The following EML4 variants were observed in gnomAD, a reference collection of about 807,000 sequenced individuals.
The protein encoded by EML4 is echinoderm microtubule-associated protein-like 4.
EML4 carries 72 observed loss-of-function variants against 129.0 expected under a neutral mutation model. The observed-to-expected ratio is 0.56, with a 90% CI of 0.46 to 0.68. EML4 has a LOEUF of 0.68. Among genes scored for constraint, EML4 ranks in the 30% least tolerant of loss-of-function variants. The probability of loss-of-function intolerance (pLI) is 0.00; values close to 1 mark genes in which losing one functional copy is unlikely to be tolerated. For missense variants in EML4, 1,363 were observed against 1,190.6 expected (o/e 1.14, Z -2.13); for synonymous variants, 532 against 405.0 (o/e 1.31, Z -3.77).
chr2:42,265,746 G>A (rs565872397), intron 6 of EML4, among the ~76,000 whole-genome samples: 10 of 152,196 alleles, frequency 6.6e-5, no homozygotes, highest in Non-Finnish European at 1.5e-4. Context: ...CTCATTTCTT[G>A]ATGCTAAGAC....
intron 1 of EML4, among the ~76,000 whole-genome samples, chr2:42,204,895 G>C (rs1342712218): frequency 1.3e-5 from 2 of 152,120 alleles, no homozygotes; most frequent in East Asian, 1.9e-4. Context: ...AATGTTCTTT[G>C]CCTCAGATAT....
chr2:42,224,394 A>G (rs764892710), intron 1 of EML4, among the ~76,000 whole-genome samples: 1 of 152,050 alleles, frequency 6.6e-6, no homozygotes, highest in Non-Finnish European at 1.5e-5. Context: ...GTTCTTTTTT[A>G]TTGGAGTAAT....
At chr2:42,201,359 ATTAAC>A (rs1349372009) in intron 1 of EML4, among the ~76,000 whole-genome samples, 2 of 152,226 alleles carry the variant, frequency 1.3e-5, no homozygotes, top group Non-Finnish European at 2.9e-5. Flanking sequence ...GGATGAGTTA[ATTAAC>A]TTGCCCAAGA....
chr2:42,169,510 C>A lies in EML4; in HGVS notation c.-102C>A, dbSNP rs1302228534. 20 of 1,385,394 alleles carry A rather than the reference C, an allele frequency of 1.4e-5. No individual in the cohort carries two copies. Among genetic ancestry groups the A allele is most frequent in the Non-Finnish European group, 1.9e-5 (20 of 1,034,408 alleles). 85.8% of individuals were successfully genotyped at this position (1,385,394 alleles called of 1,614,324 possible). A position where few individuals can be genotyped will look rare whatever the true frequency, so the allele number is the denominator to read the frequency against. On this transcript the variant is annotated 5_prime_UTR_variant, in exon 1 of 23. Transcript: ENST00000318522. ...GGGAGCCGGTAGCCGAGCCGGGCGACCTAGAGAACGAGCGGGTCAGGCTCA... is the reference window on the plus strand; with the variant it reads ...GGGAGCCGGTAGCCGAGCCGGGCGAACTAGAGAACGAGCGGGTCAGGCTCA...
chr2:42,310,301 C>G (rs1192226174), intron 17 of EML4, among the ~76,000 whole-genome samples: 1 of 151,636 alleles, frequency 6.6e-6, no homozygotes. Flanking sequence ...TCCCATTCCC[C>G]TTTCCCTTCC....
chr2:42,175,640 A>T (rs978322327), intron 1 of EML4, among the ~76,000 whole-genome samples: 1 of 152,044 alleles, frequency 6.6e-6, no homozygotes, highest in Non-Finnish European at 1.5e-5. Flanking sequence ...CTGAGATGAC[A>T]GGTGTGCACC....
In EML4 at chr2:42,256,397, T is replaced by C. The variant is rs984492605; in HGVS notation, c.209-104T>C. On this transcript the variant is annotated intron_variant, in intron 2 of 22. Transcript: ENST00000318522. ...GTTATAAACAATAATATACTTAATT[T>C]TTTTTCTACCACCCCCTCCTTCCAA... 5 of 1,148,794 alleles carry C rather than the reference T, an allele frequency of 4.4e-6. No homozygotes were observed. In the Admixed American group the frequency reaches 1.4e-4, roughly 32 times the overall value. 71.2% of individuals were successfully genotyped at this position (1,148,794 alleles called of 1,614,324 possible). A position where few individuals can be genotyped will look rare whatever the true frequency, so the allele number is the denominator to read the frequency against.
rs1242335246 is a variant in EML4 at position 42,256,494 on chromosome 2, T to C, written c.209-7T>C. On this transcript the variant is annotated splice_region_variant and splice_polypyrimidine_tract_variant and intron_variant, in intron 2 of 22. Transcript: ENST00000318522. ...TTGATATAATTTTTTTCCTTAATTA[T>C]CTTTAGGCCAACCAAGCCCTCGAGC... 1 of 1,589,610 alleles carries C rather than the reference T, an allele frequency of 6.3e-7. No homozygotes were observed. The highest frequency in any genetic ancestry group is 8.5e-7 in the Non-Finnish European group (1 of 1,171,174).
chr2:42,200,760 G>A (rs1024848763), intron 1 of EML4, among the ~76,000 whole-genome samples: 1 of 152,116 alleles, frequency 6.6e-6, no homozygotes, highest in African/African-American at 2.4e-5. Context: ...AAGAGTTTTT[G>A]CAGACACTCA....
At chr2:42,211,254 C>T (rs1042880354) in intron 1 of EML4, among the ~76,000 whole-genome samples, 5 of 152,022 alleles carry the variant, frequency 3.3e-5, no homozygotes, top group Non-Finnish European at 7.4e-5. Context: ...ATCACATACT[C>T]CTGTGTGTTG....
At chr2:42,265,497 C>G (rs917229423) in intron 6 of EML4, among the ~76,000 whole-genome samples, 1 of 152,162 alleles carries the variant, frequency 6.6e-6, no homozygotes, top group Non-Finnish European at 1.5e-5. Context: ...GCCTCAGCCC[C>G]CCAAAATGCT....
At chr2:42,217,368 G>C (rs990417044) in intron 1 of EML4, among the ~76,000 whole-genome samples, 1 of 151,816 alleles carries the variant, frequency 6.6e-6, no homozygotes, top group African/African-American at 2.4e-5. Flanking sequence ...GTCAAGATTC[G>C]TTCTTCTCAG....
intron 3 of EML4, among the ~76,000 whole-genome samples, chr2:42,258,361 G>A (rs1352455048): frequency 2.0e-5 from 3 of 151,240 alleles, no homozygotes; most frequent in Non-Finnish European, 4.4e-5. Context: ...TATTCTTGAA[G>A]TATAATTGTA....
rs1288137083 is a variant in EML4, at chr2:42,235,260, C to T, written c.26-10245C>T. Among the ~76,000 whole-genome samples, 3 of 150,716 alleles carry T rather than the reference C, an allele frequency of 2.0e-5. No individual in the cohort carries two copies. The East Asian group carries it at 5.9e-4, about 29-fold the overall frequency. On this transcript the variant is annotated intron_variant, in intron 1 of 22. Transcript: ENST00000318522. The stretch of plus-strand genomic sequence containing the variant: ...GCAGTGAGCCGAGATCGCACCACCG[C>T]ACTCAGTCTGGGTGACAAGAGCGAA...
chr2:42,312,279 C>T (rs1668999580), intron 17 of EML4, among the ~76,000 whole-genome samples: 1 of 151,566 alleles, frequency 6.6e-6, no homozygotes, highest in Non-Finnish European at 1.5e-5. Flanking sequence ...CCCCCACCAT[C>T]GTCCCTGCCA....
chr2:42,197,461 A>T (rs1671963060), intron 1 of EML4, among the ~76,000 whole-genome samples: 1 of 152,196 alleles, frequency 6.6e-6, no homozygotes, highest in Non-Finnish European at 1.5e-5. Flanking sequence ...ATCTATTGGC[A>T]GGAGGTGATA....
At chr2:42,212,133 A>G (rs960204580) in intron 1 of EML4, among the ~76,000 whole-genome samples, 4 of 152,164 alleles carry the variant, frequency 2.6e-5, no homozygotes, top group Admixed American at 6.5e-5. Flanking sequence ...GGTGTGAGCT[A>G]CCGTGCCTGA....
intron 1 of EML4, among the ~76,000 whole-genome samples, chr2:42,204,209 C>G (rs1010321238): frequency 2.0e-5 from 3 of 152,150 alleles, no homozygotes; most frequent in African/African-American, 7.2e-5. Context: ...TATAAGCCAC[C>G]ATACCTGGCC....
At chr2:42,186,223 TAAG>T (rs1472058948) in intron 1 of EML4, among the ~76,000 whole-genome samples, 2 of 152,156 alleles carry the variant, frequency 1.3e-5, no homozygotes, top group East Asian at 3.9e-4. Context: ...ATAGCCAAAA[TAAG>T]GAGATGCCGA....
Sources: gnomAD v4.1 joint callset for allele counts (sites outside exome capture counted in the v4.1 genomes callset) on GRCh38, gnomAD v4.1.1 for gene constraint, MANE v1.5 for transcripts, NCBI Gene and HGNC (gene_info 2026-07-23, HGNC 2026-07-21) for gene names.